MAP4K4: variants seen among roughly 807,000 people sequenced by gnomAD.
MAP4K4 encodes HPK/GCK-like kinase HGK.
In MAP4K4, 38 loss-of-function variants were observed where a neutral mutation model predicts 189.6. The observed-to-expected ratio is 0.20, with a 90% CI of 0.15 to 0.26. The LOEUF (loss-of-function observed/expected upper bound fraction) is 0.26. Among genes scored for constraint, MAP4K4 ranks in the 10% least tolerant of loss-of-function variants. The probability of loss-of-function intolerance (pLI) is 1.00; values close to 1 mark genes in which losing one functional copy is unlikely to be tolerated. For missense variants in MAP4K4, 1,054 were observed against 1,726.9 expected (o/e 0.61, Z 6.91); for synonymous variants, 610 against 624.3 (o/e 0.98, Z 0.34).
intron 2 of MAP4K4, among the ~76,000 whole-genome samples, chr2:101,773,119 T>A (rs1362511614): frequency 3.3e-5 from 5 of 152,200 alleles, no homozygotes; most frequent in African/African-American, 1.2e-4. Flanking sequence ...TTGGACCTAA[T>A]GGACCCCAGC....
chr2:101,729,101 A>AGAGAGAGAGTGTGTGTGTGT (rs149283961), intron 2 of MAP4K4, among the ~76,000 whole-genome samples: 7 of 130,604 alleles, frequency 5.4e-5, no homozygotes, highest in African/African-American at 2.2e-4. Flanking sequence ...AGAGAGAGAG[A>AGAGAGAGAGTGTGTGTGTGT]GTGTGTGTGT....
intron 24 of MAP4K4, among the ~76,000 whole-genome samples, chr2:101,872,698 AG>A (rs2098081876): frequency 6.6e-6 from 1 of 152,170 alleles, no homozygotes; most frequent in Admixed American, 6.5e-5. Context: ...GCCAGGGGAC[AG>A]ATGTTCAGGT....
intron 31 of MAP4K4, among the ~76,000 whole-genome samples, chr2:101,888,454 C>T (rs1472911699): frequency 6.6e-6 from 1 of 152,156 alleles, no homozygotes; most frequent in Non-Finnish European, 1.5e-5. Flanking sequence ...GTCACTGTCT[C>T]TGATCACTCA....
At chr2:101,867,400 TCTGCGAGGGCC>T in intron 20 of MAP4K4, 91 bp downstream of exon 20, 1 of 891,308 alleles carries the variant, frequency 1.1e-6, no homozygotes, top group East Asian at 2.7e-5. Flanking sequence ...TGCAGTCTTT[TCTGCGAGGGCC>T]CCTCACAGAT....
intron 32 of MAP4K4, among the ~76,000 whole-genome samples, chr2:101,889,537 T>G (rs1438712421): frequency 2.0e-5 from 3 of 152,182 alleles, no homozygotes; most frequent in Non-Finnish European, 4.4e-5. Flanking sequence ...AAGTCCCTTT[T>G]AAACTGGCTT....
chr2:101,825,460 A>G (rs375707154), intron 5 of MAP4K4, 31 bp downstream of exon 5: 2 of 1,413,532 alleles, frequency 1.4e-6, no homozygotes, highest in Admixed American at 1.7e-5. Flanking sequence ...CAGTGCTCCA[A>G]CTCATGATCC....
At chr2:101,760,503 A>AAT (rs35922398) in intron 2 of MAP4K4, among the ~76,000 whole-genome samples, 8,236 of 133,010 alleles carry the variant, frequency 0.062, 706 homozygotes, top group African/African-American at 0.2. Context: ...AAAAAAACAA[A>AAT]ATATATATAT....
chr2:101,840,016 T>C, intron 10 of MAP4K4, 22 bp downstream of exon 10: 1 of 1,568,410 alleles, frequency 6.4e-7, no homozygotes, highest in African/African-American at 1.4e-5. Context: ...GTTTTTGTTT[T>C]CATCCTTTAA....
intron 2 of MAP4K4, among the ~76,000 whole-genome samples, chr2:101,699,905 G>A (rs941522184): frequency 2.0e-5 from 3 of 152,222 alleles, no homozygotes; most frequent in Admixed American, 2.0e-4. Flanking sequence ...GAATTTGGAA[G>A]GCTTTGGAAA....
chr2:101,826,370 A>G (rs1221798155), intron 5 of MAP4K4, among the ~76,000 whole-genome samples: 2 of 151,752 alleles, frequency 1.3e-5, no homozygotes, highest in African/African-American at 2.4e-5. Flanking sequence ...TTTTATTTAG[A>G]TATTTATGTA....
chr2:101,779,585 A>C (rs577124965), intron 2 of MAP4K4, among the ~76,000 whole-genome samples: 2 of 152,272 alleles, frequency 1.3e-5, no homozygotes, highest in South Asian at 4.1e-4. Context: ...TGAGGAGAGA[A>C]TTTTCTGTTT....
chr2:101,838,362 C>T (rs1012422745), intron 9 of MAP4K4, among the ~76,000 whole-genome samples: 16 of 152,316 alleles, frequency 1.1e-4, no homozygotes, highest in East Asian at 5.8e-4. Flanking sequence ...CCATGTTCCT[C>T]ATTAAACGTA....
At chr2:101,720,542 G>C (rs2051247630) in intron 2 of MAP4K4, among the ~76,000 whole-genome samples, 2 of 152,092 alleles carry the variant, frequency 1.3e-5, no homozygotes, top group South Asian at 4.1e-4. Context: ...GGACTGACTG[G>C]CTAAAAGATC....
chr2:101,814,439 C>G (rs572366769), intron 3 of MAP4K4, among the ~76,000 whole-genome samples: 2 of 152,290 alleles, frequency 1.3e-5, no homozygotes, highest in East Asian at 3.9e-4. Flanking sequence ...CTTCTCCAGG[C>G]ATGTGAGCTG....
At chr2:101,812,443 A>T (rs2095486831) in intron 3 of MAP4K4, among the ~76,000 whole-genome samples, 1 of 152,044 alleles carries the variant, frequency 6.6e-6, no homozygotes, top group African/African-American at 2.4e-5. Flanking sequence ...CCTCCAGTCC[A>T]CCTCCTCACA....
At chr2:101,786,519 G>A (rs1043388545) in intron 2 of MAP4K4, among the ~76,000 whole-genome samples, 4 of 152,162 alleles carry the variant, frequency 2.6e-5, no homozygotes, top group African/African-American at 4.8e-5. Context: ...TTCAAGCTAC[G>A]TGAAATGATG....
intron 2 of MAP4K4, among the ~76,000 whole-genome samples, chr2:101,768,084 G>A (rs1336248584): frequency 6.6e-6 from 1 of 151,994 alleles, no homozygotes; most frequent in Non-Finnish European, 1.5e-5. Flanking sequence ...TTTACACATG[G>A]CTTATTAGCT....
exon 33 of MAP4K4, chr2:101,893,287 A>C: frequency 2.2e-6 from 1 of 456,114 alleles, no homozygotes; most frequent in Non-Finnish European, 4.4e-6. Flanking sequence ...CTTTTTGGGG[A>C]AGTAAAAGAA....
intron 3 of MAP4K4, among the ~76,000 whole-genome samples, chr2:101,813,266 A>G (rs1030618944): frequency 9.2e-5 from 14 of 152,224 alleles, no homozygotes; most frequent in African/African-American, 3.1e-4. Context: ...AATTACATTC[A>G]AGAGAAAAAT....
Sources: gnomAD v4.1 joint callset for allele counts (sites outside exome capture counted in the v4.1 genomes callset) on GRCh38, gnomAD v4.1.1 for gene constraint, MANE v1.5 for transcripts, NCBI Gene and HGNC (gene_info 2026-07-23, HGNC 2026-07-21) for gene names.